Variants in SKOR1 observed in about 807,000 individuals in gnomAD.
SKOR1 encodes the protein LBX1 corepressor 1.
SKOR1 carries 38 observed loss-of-function variants against 72.4 expected under a neutral mutation model. The ratio of observed to expected loss-of-function variants is 0.52; its 90% CI spans 0.40 to 0.69. The LOEUF (loss-of-function observed/expected upper bound fraction) is 0.69, where lower values mean the gene tolerates loss of function less well. Ranked by LOEUF, SKOR1 falls within the 30% of genes least tolerant of loss-of-function variation. The pLI is 0.00. For synonymous variants in SKOR1, 642 were observed against 599.4 expected, an observed-to-expected ratio of 1.07 and a Z score of -1.04; for missense variants, 1,320 against 1,343.2, an observed-to-expected ratio of 0.98 and a Z score of 0.27.
rs1566977602 is a variant in SKOR1 at position 67,833,401 on chromosome 15, T to TA, written c.2803+146dup. On this transcript the variant is annotated intron_variant, in intron 8 of 8. Transcript: ENST00000380035. The surrounding 1 kb of genome is among the most constrained non-coding windows in gnomAD (Gnocchi z 6.0). ...GAGGGAGAAAAGTGGGAACTGATTT[T>TA]AACGGGAAGATTATTCTAGGATGGT... The TA allele has an allele frequency of 6.5e-6, 6 of 924,460 alleles. No homozygotes were observed. In the East Asian group the frequency reaches 1.3e-4, roughly 20 times the overall value. 57.3% of individuals were successfully genotyped at this position (924,460 alleles called of 1,614,324 possible).
Position 67,832,977 on chromosome 15 carries a change from A to G in SKOR1, c.2738-215A>G. Reference sequence around the variant, plus strand: ...GGGAAGTAATGCCTAAGTTTGCTTTAATTTTGGTTAGATCCATCTGCCTTT... The same window carrying G: ...GGGAAGTAATGCCTAAGTTTGCTTTGATTTTGGTTAGATCCATCTGCCTTT... On this transcript the variant is annotated intron_variant, in intron 7 of 8. Coordinates refer to ENST00000380035, the MANE Select transcript of SKOR1 (RefSeq NM_001365915.1). This position sits in a 1 kb window ranked among gnomAD's most constrained non-coding sequence, Gnocchi z 4.5. The G allele has an allele frequency of 1.7e-6, 1 of 604,880 alleles. No homozygotes were observed. Among genetic ancestry groups the G allele is most frequent in the Non-Finnish European group, 2.9e-6 (1 of 343,612 alleles). The allele number at this position is 604,880 out of a possible 1,614,324, so 37.5% of individuals were successfully genotyped here.
chr15:67,829,385 G>A lies in SKOR1; in HGVS notation c.2407+116G>A. ...GAGAGACGCAGAGAAAGAGGGAGAG[G>A]GAAAGAAAAATAATGAAAACAAGGA... On this transcript the variant is annotated intron_variant, in intron 3 of 8. Coordinates refer to ENST00000380035, the MANE Select transcript of SKOR1 (RefSeq NM_001365915.1). 9 of 877,342 alleles carry A rather than the reference G, an allele frequency of 1.0e-5. No individual in the cohort carries two copies. In the South Asian group the frequency reaches 1.1e-4, roughly 11 times the overall value. The allele number at this position is 877,342 out of a possible 1,614,324, so 54.3% of individuals were successfully genotyped here.
chr15:67,833,352 C>T lies in SKOR1; in HGVS notation c.2803+95C>T. 1 of 1,260,710 alleles carries T rather than the reference C, an allele frequency of 7.9e-7. No individual in the cohort carries two copies. Among genetic ancestry groups the T allele is most frequent in the Non-Finnish European group, 1.2e-6 (1 of 868,090 alleles). The allele number at this position is 1,260,710 out of a possible 1,614,324, so 78.1% of individuals were successfully genotyped here. A position where few individuals can be genotyped will look rare whatever the true frequency, so the allele number is the denominator to read the frequency against. ...ATAGTGGGACTAGTGAGGAAGGCCA[C>T]GATCCACGTGGATCAGGATCTGTGA... On this transcript the variant is annotated intron_variant, in intron 8 of 8. Coordinates refer to ENST00000380035, the MANE Select transcript of SKOR1 (RefSeq NM_001365915.1). The surrounding 1 kb of genome is among the most constrained non-coding windows in gnomAD (Gnocchi z 6.0).
rs772492932 is a variant in SKOR1 at position 67,827,406 on chromosome 15, A to C, written c.1578A>C (p.Ala526=). Residue 526 remains alanine (A), a synonymous_variant, in exon 2 of 9, where the codon GCA becomes GCC. Coordinates refer to ENST00000380035, the MANE Select transcript of SKOR1 (RefSeq NM_001365915.1). ...AVAAAAAAAA[A]AAGSGAPEPL... is the part of the protein sequence containing the mutation. Reference sequence around the variant, plus strand: ...CGGCGGCAGCGGCGGCGGCAGCGGCAGCTGCTGGCAGCGGTGCCCCAGAGC... The same window carrying C: ...CGGCGGCAGCGGCGGCGGCAGCGGCCGCTGCTGGCAGCGGTGCCCCAGAGC... 5 of 1,526,612 alleles carry C rather than the reference A, an allele frequency of 3.3e-6. No individual in the cohort carries two copies. Among genetic ancestry groups the C allele is most frequent in the Non-Finnish European group, 4.4e-6 (5 of 1,144,224 alleles). 94.6% of individuals were successfully genotyped at this position (1,526,612 alleles called of 1,614,324 possible).
rs1282839667 is a variant in SKOR1 at position 67,825,579 on chromosome 15, C to A, written c.-24C>A. On this transcript the variant is annotated 5_prime_UTR_variant, in exon 1 of 9. Transcript: ENST00000380035. The surrounding 1 kb of genome is among the most constrained non-coding windows in gnomAD (Gnocchi z 5.6). ...GTTGCCGAAGGCGCACGGATCTGGG[C>A]GCTGAAAAAGCCAGGATTTGGCAAT... The A allele has an allele frequency of 6.9e-6, 5 of 727,604 alleles. No homozygotes were observed. Among genetic ancestry groups the A allele is most frequent in the South Asian group, 5.9e-5 (4 of 68,146 alleles). The allele number at this position is 727,604 out of a possible 1,614,324, so 45.1% of individuals were successfully genotyped here. A position where few individuals can be genotyped will look rare whatever the true frequency, so the allele number is the denominator to read the frequency against.
chr15:67,825,784 A>G lies in SKOR1; in HGVS notation c.107+75A>G. The G allele has an allele frequency of 6.9e-7, 1 of 1,441,600 alleles. No homozygotes were observed. The highest frequency in any genetic ancestry group is 9.6e-7 in the Non-Finnish European group (1 of 1,042,418). 89.3% of individuals were successfully genotyped at this position (1,441,600 alleles called of 1,614,324 possible). On this transcript the variant is annotated intron_variant, in intron 1 of 8. Coordinates refer to ENST00000380035, the MANE Select transcript of SKOR1 (RefSeq NM_001365915.1). This position sits in a 1 kb window ranked among gnomAD's most constrained non-coding sequence, Gnocchi z 5.6. ...GGCGCCAACATGGGTCTGAGTAACA[A>G]AAGACGCCTGTCCAGGGGGTGAATG...
chr15:67,827,414 G>A lies in SKOR1; in HGVS notation c.1586G>A (p.Gly529Asp). The A allele has an allele frequency of 6.6e-7, 1 of 1,525,178 alleles. No individual in the cohort carries two copies. 94.5% of individuals were successfully genotyped at this position (1,525,178 alleles called of 1,614,324 possible). The change falls in exon 2 of 9, where the codon GGC becomes GAC. Residue 529 changes from glycine to aspartate, a missense_variant. Gly to Asp is a moderately conservative substitution (Grantham distance 94, BLOSUM62 -1). Coordinates refer to ENST00000380035, the MANE Select transcript of SKOR1 (RefSeq NM_001365915.1). ...AAAAAAAAAAGSGAPEPLDGA... is the reference protein window; with the variant it reads ...AAAAAAAAAADSGAPEPLDGA... ...GCGGCGGCGGCAGCGGCAGCTGCTG[G>A]CAGCGGTGCCCCAGAGCCCCTGGAC...
Position 67,828,108 on chromosome 15 carries a change from G to A in SKOR1, c.2280G>A (p.Glu760=), listed in dbSNP as rs1436315240. 6.6e-7 allele frequency: 1 copy of A among 1,517,040 alleles called. No homozygotes were observed. The highest frequency in any genetic ancestry group is 2.1e-5 in the Admixed American group (1 of 48,038). The allele number at this position is 1,517,040 out of a possible 1,614,324, so 94.0% of individuals were successfully genotyped here. A position where few individuals can be genotyped will look rare whatever the true frequency, so the allele number is the denominator to read the frequency against. Residue 760 remains glutamate (E), a synonymous_variant, in exon 2 of 9, where the codon GAG becomes GAA. Coordinates refer to ENST00000380035, the MANE Select transcript of SKOR1 (RefSeq NM_001365915.1). Reference sequence around the variant, plus strand: ...GCGGCGGCGGCTACGAGCTGCGAGAGCCTTGCGGGCCCCTAGGAGGCCCCG... The same window carrying A: ...GCGGCGGCGGCTACGAGCTGCGAGAACCTTGCGGGCCCCTAGGAGGCCCCG... ...PSGGGGYELR[E]PCGPLGGPAP...
Position 67,834,167 on chromosome 15 carries a change from C to T in SKOR1, c.*331C>T, listed in dbSNP as rs1293185966. 7.4e-6 allele frequency: 3 copies of T among 407,740 alleles called. No homozygotes were observed. Among genetic ancestry groups the T allele is most frequent in the Middle Eastern group, 7.4e-4 (1 of 1,344 alleles). 25.3% of individuals were successfully genotyped at this position (407,740 alleles called of 1,614,324 possible). ...AGAGCGCCCCCTCCCATTGTATAGCCTTGAACCCGATTGTGAATACAATGT... is the reference window on the plus strand; with the variant it reads ...AGAGCGCCCCCTCCCATTGTATAGCTTTGAACCCGATTGTGAATACAATGT... On this transcript the variant is annotated 3_prime_UTR_variant, in exon 9 of 9. Transcript: ENST00000380035. The surrounding 1 kb of genome is among the most constrained non-coding windows in gnomAD (Gnocchi z 5.8).
Position 67,832,386 on chromosome 15 carries a change from C to A in SKOR1, c.2662+38C>A. ...ATCCTGCCTCACCCCACCTCATCAC[C>A]GAGCCTTCCACCAGGGTGCCCCGAC... On this transcript the variant is annotated intron_variant, in intron 6 of 8. Transcript: ENST00000380035. This position sits in a 1 kb window ranked among gnomAD's most constrained non-coding sequence, Gnocchi z 4.5. 1 of 1,608,048 alleles carries A rather than the reference C, an allele frequency of 6.2e-7. No homozygotes were observed. Among genetic ancestry groups the A allele is most frequent in the South Asian group, 1.1e-5 (1 of 90,816 alleles).
At chr15:67,829,304 G>C in intron 3 of SKOR1, 35 bp downstream of exon 3, 1 of 1,499,440 alleles carries the variant, frequency 6.7e-7, no homozygotes, top group Non-Finnish European at 8.9e-7. Context: ...CACTGTAATG[G>C]GGGAACCGCA....
chr15:67,832,240 T>C lies in SKOR1; in HGVS notation c.2588-34T>C. The C allele has an allele frequency of 6.2e-7, 1 of 1,605,254 alleles. No homozygotes were observed. ...GAGCTCCAAATAACCCTGCTTTACC[T>C]CCCACTTTACCTCCCACTTTTCCCC... is the stretch of plus-strand genomic sequence containing the variant. On this transcript the variant is annotated intron_variant, in intron 5 of 8. Coordinates refer to ENST00000380035, the MANE Select transcript of SKOR1 (RefSeq NM_001365915.1). This position sits in a 1 kb window ranked among gnomAD's most constrained non-coding sequence, Gnocchi z 4.5.
At position 67,832,250 on chromosome 15, in the gene SKOR1, C is replaced by T. The variant is rs368667164; in HGVS notation, c.2588-24C>T. ...TAACCCTGCTTTACCTCCCACTTTA[C>T]CTCCCACTTTTCCCCTTTCACAGAG... On this transcript the variant is annotated intron_variant, in intron 5 of 8. Coordinates refer to ENST00000380035, the MANE Select transcript of SKOR1 (RefSeq NM_001365915.1). This position sits in a 1 kb window ranked among gnomAD's most constrained non-coding sequence, Gnocchi z 4.5. 8.1e-6 allele frequency: 13 copies of T among 1,611,492 alleles called. No individual in the cohort carries two copies. The Admixed American group carries it at 1.5e-4, about 19-fold the overall frequency.
chr15:67,833,332 G>C lies in SKOR1; in HGVS notation c.2803+75G>C. 6.8e-7 allele frequency: 1 copy of C among 1,478,336 alleles called. No homozygotes were observed. Among genetic ancestry groups the C allele is most frequent in the Non-Finnish European group, 9.4e-7 (1 of 1,061,052 alleles). The allele number at this position is 1,478,336 out of a possible 1,614,324, so 91.6% of individuals were successfully genotyped here. On this transcript the variant is annotated intron_variant, in intron 8 of 8. Coordinates refer to ENST00000380035, the MANE Select transcript of SKOR1 (RefSeq NM_001365915.1). The surrounding 1 kb of genome is among the most constrained non-coding windows in gnomAD (Gnocchi z 6.0). ...GCTGTCGACTGAATGAATGAATAGT[G>C]GGACTAGTGAGGAAGGCCACGATCC... is the stretch of plus-strand genomic sequence containing the variant.
chr15:67,827,421 T>C lies in SKOR1; in HGVS notation c.1593T>C (p.Gly531=), dbSNP rs775931403. 7.9e-5 allele frequency: 120 copies of C among 1,522,660 alleles called. 1 individual carries two copies. Among genetic ancestry groups the C allele is most frequent in the African/African-American group, 2.8e-5 (2 of 70,598 alleles). The allele number at this position is 1,522,660 out of a possible 1,614,324, so 94.3% of individuals were successfully genotyped here. A position where few individuals can be genotyped will look rare whatever the true frequency, so the allele number is the denominator to read the frequency against. ...CGGCAGCGGCAGCTGCTGGCAGCGG[T>C]GCCCCAGAGCCCCTGGACGGTGCCG... is the stretch of plus-strand genomic sequence containing the variant. ...AAAAAAAAGS[G]APEPLDGAEP... Residue 531 remains glycine (G), a synonymous_variant, in exon 2 of 9, where the codon GGT becomes GGC. Transcript: ENST00000380035.
chr15:67,826,251 C>G lies in SKOR1; in HGVS notation c.423C>G (p.Ala141=). 1 of 1,613,038 alleles carries G rather than the reference C, an allele frequency of 6.2e-7. No homozygotes were observed. The highest frequency in any genetic ancestry group is 8.5e-7 in the Non-Finnish European group (1 of 1,180,024). The part of the protein sequence containing the change: ...TPVQLEILRR[A]GAMPISSRRC... The stretch of plus-strand genomic sequence containing the variant: ...TACAGCTGGAGATTCTGCGTCGGGC[C>G]GGGGCCATGCCCATCTCGTCGCGCC... Residue 141 remains alanine (A), a synonymous_variant, in exon 2 of 9, where the codon GCC becomes GCG. Transcript: ENST00000380035.
rs556586673 is a variant in SKOR1, at chr15:67,827,748, C to T, written c.1920C>T (p.Ser640=). 117 of 1,549,564 alleles carry T rather than the reference C, an allele frequency of 7.6e-5. No individual in the cohort carries two copies. The highest frequency in any genetic ancestry group is 1.0e-4 in the Non-Finnish European group (117 of 1,146,482). ...GCTACGTGAGCCCGGACTTTCTGAG[C>T]GAGGGCAGCTCCAGCTACAATTCCG... is the stretch of plus-strand genomic sequence containing the variant. ...SGGYVSPDFL[S]EGSSSYNSAS... is the part of the protein sequence containing the mutation. The change falls in exon 2 of 9, where the codon AGC becomes AGT. Residue 640 remains serine, a synonymous_variant. Transcript: ENST00000380035.
At chr15:67,829,086 C>T (rs1358450260) in intron 2 of SKOR1, 93 bp from the exon 3 acceptor site, 2 of 1,191,014 alleles carry the variant, frequency 1.7e-6, no homozygotes, top group African/African-American at 1.5e-5. Context: ...GCCACTCCGT[C>T]GGCTTTCCCT....
chr15:67,830,920 C>T lies in SKOR1; in HGVS notation c.2587+31C>T, dbSNP rs768786322. ...GATAAATTTGTGAAAAAGGTGTACG[C>T]TGTGCTTGAGAGTGATGGGTCATTC... On this transcript the variant is annotated intron_variant, in intron 5 of 8. Transcript: ENST00000380035. 5 of 1,606,756 alleles carry T rather than the reference C, an allele frequency of 3.1e-6. No individual in the cohort carries two copies. In the South Asian group the frequency reaches 3.3e-5, roughly 11 times the overall value.
Sources: allele counts gnomAD v4.1 joint callset, GRCh38; gene constraint gnomAD v4.1.1; non-coding constraint Gnocchi (gnomAD v3.1); transcripts MANE v1.5; gene names NCBI Gene and HGNC (gene_info 2026-07-23, HGNC 2026-07-21).